Variants in PLCB4 observed in about 807,000 individuals in gnomAD.
PLCB4 encodes phospholipase C beta 4.
A neutral mutation model predicts 178.8 loss-of-function variants in PLCB4; 77 were observed. The ratio of observed to expected loss-of-function variants is 0.43; its 90% confidence interval spans 0.36 to 0.52. The LOEUF is 0.52. Ranked by LOEUF, PLCB4 falls within the 20% of genes least tolerant of loss-of-function variation. The pLI, the probability that PLCB4 is intolerant of heterozygous loss-of-function variation, is 0.00. For missense variants in PLCB4, 1,024 were observed against 1,453.4 expected, an observed-to-expected ratio of 0.70 and a Z score of 4.80; for synonymous variants, 496 against 490.8, an observed-to-expected ratio of 1.01 and a Z score of -0.14.
chr20:9,414,419 T>C (rs1263642914), intron 25 of PLCB4, among the ~76,000 whole-genome samples: 1 of 152,228 alleles, frequency 6.6e-6, no homozygotes, highest in Non-Finnish European at 1.5e-5. Context: ...GCTCGGGCAC[T>C]GCATGGTTCT....
intron 4 of PLCB4, among the ~76,000 whole-genome samples, chr20:9,330,836 C>T (rs2031539832): frequency 6.6e-6 from 1 of 152,254 alleles, no homozygotes; most frequent in East Asian, 1.9e-4. Flanking sequence ...TAGTCTAAAA[C>T]CTTGCAGAGT....
At chr20:9,218,990 G>A (rs181493561) in intron 3 of PLCB4, among the ~76,000 whole-genome samples, 15 of 152,174 alleles carry the variant, frequency 9.9e-5, no homozygotes, top group African/African-American at 3.6e-4. Context: ...TCCTTAAATA[G>A]GTCATTTTTC....
intron 2 of PLCB4, among the ~76,000 whole-genome samples, chr20:9,160,573 A>C (rs1357190035): frequency 6.6e-6 from 1 of 152,190 alleles, no homozygotes; most frequent in Non-Finnish European, 1.5e-5. Flanking sequence ...AAGAAATAGA[A>C]TCAATTTCAG....
intron 2 of PLCB4, among the ~76,000 whole-genome samples, chr20:9,208,869 A>G (rs1255939792): frequency 6.6e-6 from 1 of 152,216 alleles, no homozygotes. Context: ...TAGTGTGGTT[A>G]TGTATATGCT....
chr20:9,339,983 G>A (rs2032987160), intron 7 of PLCB4, among the ~76,000 whole-genome samples: 1 of 152,120 alleles, frequency 6.6e-6, no homozygotes, highest in Non-Finnish European at 1.5e-5. Flanking sequence ...TAATGTGTGT[G>A]AAAAGGACTA....
chr20:9,309,540 A>G (rs1173066761), intron 4 of PLCB4, among the ~76,000 whole-genome samples: 1 of 152,186 alleles, frequency 6.6e-6, no homozygotes, highest in Non-Finnish European at 1.5e-5. Context: ...ATCATATTTT[A>G]CTTATCTTTT....
chr20:9,195,441 T>A (rs1327883581), intron 2 of PLCB4, among the ~76,000 whole-genome samples: 1 of 152,226 alleles, frequency 6.6e-6, no homozygotes, highest in Admixed American at 6.5e-5. Context: ...CTAGAAGAGA[T>A]TAGCATTTGA....
At chr20:9,221,024 T>A (rs1312300573) in intron 3 of PLCB4, among the ~76,000 whole-genome samples, 1 of 152,164 alleles carries the variant, frequency 6.6e-6, no homozygotes, top group Non-Finnish European at 1.5e-5. Context: ...AGTCGTGAGA[T>A]GAGCTCTCCA....
chr20:9,205,917 A>T (rs1421715046), intron 2 of PLCB4, among the ~76,000 whole-genome samples: 2 of 152,192 alleles, frequency 1.3e-5, no homozygotes, highest in Non-Finnish European at 2.9e-5. Flanking sequence ...TTCCCTTGAG[A>T]TGCATTCAAG....
intron 15 of PLCB4, 76 bp downstream of exon 15, chr20:9,387,632 A>G (rs1333895069): frequency 1.5e-6 from 1 of 660,508 alleles, no homozygotes; most frequent in Non-Finnish European, 2.6e-6. Context: ...GAGAAGAGAA[A>G]ACAAATGATT....
chr20:9,159,966 G>A (rs1242348510), intron 2 of PLCB4, among the ~76,000 whole-genome samples: 2 of 152,164 alleles, frequency 1.3e-5, no homozygotes, highest in Non-Finnish European at 2.9e-5. Flanking sequence ...GGCCTGTTTA[G>A]TTGCCCATAG....
intron 2 of PLCB4, among the ~76,000 whole-genome samples, chr20:9,190,195 C>G (rs2093383338): frequency 6.6e-6 from 1 of 152,100 alleles, no homozygotes. Context: ...GTGAGGATAC[C>G]TAGAAGCTGA....
At chr20:9,208,722 G>T (rs2093640965) in intron 2 of PLCB4, among the ~76,000 whole-genome samples, 1 of 152,046 alleles carries the variant, frequency 6.6e-6, no homozygotes, top group Non-Finnish European at 1.5e-5. Context: ...TGTATTTTGT[G>T]TAGAGATGGA....
intron 20 of PLCB4, 71 bp downstream of exon 20, chr20:9,401,661 G>C (rs1230500029): frequency 9.1e-6 from 9 of 989,708 alleles, no homozygotes; most frequent in Non-Finnish European, 1.4e-5. Flanking sequence ...GGAAATGTGA[G>C]AACCACAAGA....
At chr20:9,356,555 T>C (rs1461126293) in intron 7 of PLCB4, among the ~76,000 whole-genome samples, 2 of 152,228 alleles carry the variant, frequency 1.3e-5, no homozygotes, top group Non-Finnish European at 2.9e-5. Flanking sequence ...TAAGGAATTC[T>C]ATCTTAGACA....
At chr20:9,136,653 A>G (rs1330759529) in intron 2 of PLCB4, among the ~76,000 whole-genome samples, 2 of 152,106 alleles carry the variant, frequency 1.3e-5, no homozygotes, top group Admixed American at 6.6e-5. Context: ...TTCTGTGTGC[A>G]CTCAGAAAGA....
chr20:9,176,088 C>T (rs969788106), intron 2 of PLCB4, among the ~76,000 whole-genome samples: 8 of 152,168 alleles, frequency 5.3e-5, no homozygotes, highest in Admixed American at 2.6e-4. Flanking sequence ...TTTGCTCTCT[C>T]TGGGATTTCA....
chr20:9,140,580 A>T (rs2092468673), intron 2 of PLCB4, among the ~76,000 whole-genome samples: 1 of 151,312 alleles, frequency 6.6e-6, no homozygotes, highest in African/African-American at 2.4e-5. Flanking sequence ...ATGGGAGCAG[A>T]TCGCTCATGA....
intron 2 of PLCB4, among the ~76,000 whole-genome samples, chr20:9,132,326 T>C (rs540153980): frequency 6.6e-6 from 1 of 152,058 alleles, no homozygotes; most frequent in African/African-American, 2.4e-5. Flanking sequence ...AATTGTGAGA[T>C]CACTGCTTCT....
Sources: gnomAD v4.1 joint callset for allele counts (sites outside exome capture counted in the v4.1 genomes callset) on GRCh38, gnomAD v4.1.1 for gene constraint, MANE v1.5 for transcripts, NCBI Gene and HGNC (gene_info 2026-07-23, HGNC 2026-07-21) for gene names.